Variants in ALMS1 observed in about 807,000 individuals in gnomAD.
ALMS1 encodes ALMS1 centrosome and basal body associated protein.
In ALMS1, 271 loss-of-function variants were observed where a neutral mutation model predicts 352.2. The ratio of observed to expected loss-of-function variants is 0.77; its 90% CI spans 0.70 to 0.85. The LOEUF (loss-of-function observed/expected upper bound fraction) is 0.85, where lower values mean the gene tolerates loss of function less well. ALMS1 is among the 40% of genes least tolerant of loss of function. The pLI is 0.00. For synonymous variants in ALMS1, 1,865 were observed against 1,761.2 expected, an observed-to-expected ratio of 1.06 and a Z score of -1.48; for missense variants, 5,445 against 4,870.7, an observed-to-expected ratio of 1.12 and a Z score of -3.51.
chr2:73,432,047 T>TTACTTA, intron 6 of ALMS1, 151 bp from the exon 7 acceptor site: 1 of 625,550 alleles, frequency 1.6e-6, no homozygotes, highest in Non-Finnish European at 2.9e-6. Flanking sequence ...AACTTCTTAG[T>TTACTTA]GTTCCTCTTT....
chr2:73,421,953 AT>A (rs1300620423), intron 3 of ALMS1, among the ~76,000 whole-genome samples: 5 of 151,552 alleles, frequency 3.3e-5, no homozygotes, highest in Non-Finnish European at 5.9e-5. Context: ...AATCACAAGA[AT>A]TTTTTTTTCA....
At chr2:73,417,295 G>T (rs1671198540) in intron 2 of ALMS1, among the ~76,000 whole-genome samples, 1 of 152,154 alleles carries the variant, frequency 6.6e-6, no homozygotes, top group South Asian at 2.1e-4. Context: ...TAGGATTACT[G>T]AGGAGGAAAT....
chr2:73,422,769 G>A, intron 3 of ALMS1, 88 bp from the exon 4 acceptor site: 2 of 1,010,044 alleles, frequency 2.0e-6, no homozygotes, highest in Non-Finnish European at 3.1e-6. Context: ...CCATATGGCA[G>A]CATATGTAGG....
intron 10 of ALMS1, among the ~76,000 whole-genome samples, chr2:73,518,024 G>T (rs1405333259): frequency 6.6e-6 from 1 of 151,496 alleles, no homozygotes; most frequent in African/African-American, 2.4e-5. Context: ...AGGTAAACTT[G>T]TGTCATGGGG....
At position 73,573,100 on chromosome 2, in the gene ALMS1, G is replaced by A. The variant is rs28730859; in HGVS notation, c.11223G>A (p.Glu3741=). The stretch of plus-strand genomic sequence containing the variant: ...CTTCTTCGGATTGTCGGCCCTCAGA[G>A]GAGAGTGAGCTGCTCACAGATACTA... ...SNTSSDCRPS[E]ESELLTDTTT... Residue 3741 remains glutamate, a synonymous_variant, in exon 16 of 23, where the codon GAG becomes GAA. Transcript: ENST00000613296. 1,362 of 1,614,042 alleles carry A rather than the reference G, an allele frequency of 8.4e-4. 1 individual carries two copies. The highest frequency in any genetic ancestry group is 1.1e-3 in the Non-Finnish European group (1,242 of 1,180,012).
At position 73,609,652 on chromosome 2, in the gene ALMS1, A is replaced by G. The variant is rs768306034; in HGVS notation, c.*40A>G. The G allele has an allele frequency of 2.5e-6, 4 of 1,589,286 alleles. No homozygotes were observed. The highest frequency in any genetic ancestry group is 3.5e-6 in the Non-Finnish European group (4 of 1,157,420). On this transcript the variant is annotated 3_prime_UTR_variant, in exon 23 of 23. Transcript: ENST00000613296. ...CCTCAGAGCCTTGGAATTCTATTTTATGAACCTAGAGAAGCAGAATCCTTA... is the reference window on the plus strand; with the variant it reads ...CCTCAGAGCCTTGGAATTCTATTTTGTGAACCTAGAGAAGCAGAATCCTTA...
At position 73,490,498 on chromosome 2, in the gene ALMS1, A is replaced by G. The variant is rs772252340; in HGVS notation, c.8539A>G (p.Met2847Val). ...QISDNHTLIS[M>V]GRPSSTLGVN... ...TTCTGATAACCATACCCTTATTAGC[A>G]TGGGCAGACCAAGTTCCACCCTAGG... The change falls in exon 10 of 23, where the codon ATG becomes GTG. Residue 2847 changes from methionine (M) to valine (V), a missense_variant. By Grantham distance (21) the Met-to-Val change is conservative. Coordinates refer to ENST00000613296, the MANE Select transcript of ALMS1 (RefSeq NM_001378454.1). 1.9e-6 allele frequency: 3 copies of G among 1,614,192 alleles called. No individual in the cohort carries two copies. In the South Asian group the frequency reaches 3.3e-5, roughly 18 times the overall value.
chr2:73,479,039 A>G (rs1251778896), intron 9 of ALMS1, among the ~76,000 whole-genome samples: 1 of 152,122 alleles, frequency 6.6e-6, no homozygotes, highest in Non-Finnish European at 1.5e-5. Context: ...TTATGGCTGC[A>G]TAGTATTCCA....
rs1384372601 is a variant in ALMS1, at chr2:73,490,433, G to A, written c.8474G>A (p.Ser2825Asn). 1.2e-6 allele frequency: 2 copies of A among 1,614,146 alleles called. No individual in the cohort carries two copies. The stretch of plus-strand genomic sequence containing the variant: ...TTTACAGGCAGTCATTCTGAGCCCA[G>A]TACCAGGGCAAATTGTAGCAATTTC... ...SDFTGSHSEP[S>N]TRANCSNFKE... Residue 2825 changes from serine (S) to asparagine (N), a missense_variant, in exon 10 of 23, where the codon AGT becomes AAT. Ser to Asn is a conservative substitution (Grantham distance 46, BLOSUM62 1). Transcript: ENST00000613296.
At chr2:73,502,625 G>C (rs973122055) in intron 10 of ALMS1, among the ~76,000 whole-genome samples, 3 of 152,084 alleles carry the variant, frequency 2.0e-5, no homozygotes, top group South Asian at 2.1e-4. Flanking sequence ...TAATTTTTCA[G>C]ATGTTTTTCC....
intron 10 of ALMS1, among the ~76,000 whole-genome samples, chr2:73,507,904 G>T (rs940220565): frequency 3.9e-5 from 6 of 151,992 alleles, no homozygotes; most frequent in Non-Finnish European, 5.9e-5. Flanking sequence ...GCTTTCTCCT[G>T]TGGGCATTTA....
At chr2:73,586,823 G>C (rs993928405) in intron 16 of ALMS1, among the ~76,000 whole-genome samples, 1 of 152,148 alleles carries the variant, frequency 6.6e-6, no homozygotes, top group Non-Finnish European at 1.5e-5. Flanking sequence ...CATTGAATAT[G>C]TAGATTGCTT....
chr2:73,500,931 C>G (rs1235181559), intron 10 of ALMS1, among the ~76,000 whole-genome samples: 1 of 152,180 alleles, frequency 6.6e-6, no homozygotes, highest in Admixed American at 6.5e-5. Flanking sequence ...GGAACCACTT[C>G]TACTGTTTTT....
At chr2:73,397,795 G>C (rs539600301) in intron 1 of ALMS1, among the ~76,000 whole-genome samples, 10 of 152,200 alleles carry the variant, frequency 6.6e-5, no homozygotes, top group African/African-American at 2.2e-4. Flanking sequence ...GCAGTTTTAG[G>C]TTCACAGCCA....
At chr2:73,517,838 A>G (rs1290105047) in intron 10 of ALMS1, among the ~76,000 whole-genome samples, 1 of 151,982 alleles carries the variant, frequency 6.6e-6, no homozygotes, top group Non-Finnish European at 1.5e-5. Flanking sequence ...TTGTATTATT[A>G]GTAGAGATGG....
chr2:73,507,851 T>A (rs1673364059), intron 10 of ALMS1, among the ~76,000 whole-genome samples: 1 of 152,182 alleles, frequency 6.6e-6, no homozygotes, highest in South Asian at 2.1e-4. Flanking sequence ...CTTCTCTAGT[T>A]CTTTTAATTG....
At chr2:73,510,094 G>C (rs1673417875) in intron 10 of ALMS1, among the ~76,000 whole-genome samples, 1 of 152,054 alleles carries the variant, frequency 6.6e-6, no homozygotes, top group African/African-American at 2.4e-5. Context: ...TCTCTAAACT[G>C]GTTATTCTAG....
chr2:73,606,773 G>A (rs1354383232), intron 21 of ALMS1, among the ~76,000 whole-genome samples: 2 of 152,172 alleles, frequency 1.3e-5, no homozygotes, highest in Non-Finnish European at 2.9e-5. Flanking sequence ...AGAGCCTGGT[G>A]TTTGGCCTTC....
chr2:73,491,210 A>G lies in ALMS1; in HGVS notation c.9251A>G (p.Asn3084Ser). 1 of 1,614,188 alleles carries G rather than the reference A, an allele frequency of 6.2e-7. No individual in the cohort carries two copies. The highest frequency in any genetic ancestry group is 8.5e-7 in the Non-Finnish European group (1 of 1,180,014). The change falls in exon 10 of 23, where the codon AAC (asparagine) becomes AGC (serine). Residue 3084 changes from asparagine (N) to serine (S), a missense_variant. Transcript: ENST00000613296. ...AAAGCGAGGATGAATAGTGAGTTTA[A>G]CTTTGACTTACATACTGTATCTTCG... ...ASKARMNSEFNFDLHTVSSRS... is the reference protein window; with the variant it reads ...ASKARMNSEFSFDLHTVSSRS...
Sources: gnomAD v4.1 joint callset for allele counts (sites outside exome capture counted in the v4.1 genomes callset) on GRCh38, gnomAD v4.1.1 for gene constraint, MANE v1.5 for transcripts, NCBI Gene and HGNC (gene_info 2026-07-23, HGNC 2026-07-21) for gene names.